The following FARP1 variants were observed in gnomAD, a reference collection of about 807,000 sequenced individuals.
FARP1 encodes FERM, ARHGEF and pleckstrin domain-containing protein 1.
A neutral mutation model predicts 128.8 loss-of-function variants in FARP1; 52 were observed. The observed-to-expected ratio is 0.40, with a 90% CI of 0.32 to 0.51. The LOEUF is 0.51. Among genes scored for constraint, FARP1 ranks in the 20% least tolerant of loss-of-function variants. FARP1 has a pLI of 0.45. For synonymous variants in FARP1, 580 were observed against 551.8 expected (o/e 1.05, Z -0.72); for missense variants, 1,333 against 1,367.9 (o/e 0.97, Z 0.40).
chr13:98,342,592 C>T (rs1254622693), intron 2 of FARP1, among the ~76,000 whole-genome samples: 6 of 151,736 alleles, frequency 4.0e-5, no homozygotes, highest in Admixed American at 6.6e-5. Flanking sequence ...CCCAGCTACT[C>T]GGGAGGCCGA....
At chr13:98,231,045 AG>A (rs894533157) in intron 2 of FARP1, among the ~76,000 whole-genome samples, 1 of 152,098 alleles carries the variant, frequency 6.6e-6, no homozygotes, top group African/African-American at 2.4e-5. Context: ...GAGAACAGTA[AG>A]GGGGGAACTG....
At chr13:98,227,975 T>C (rs999816875) in intron 2 of FARP1, among the ~76,000 whole-genome samples, 4 of 152,222 alleles carry the variant, frequency 2.6e-5, no homozygotes, top group Admixed American at 1.3e-4. Context: ...GTCTAATGGG[T>C]ACAGAGTTTG....
At chr13:98,404,026 C>T (rs372581811) in intron 13 of FARP1, 54 of 154,958 alleles carry the variant, frequency 3.5e-4, no homozygotes, top group South Asian at 8.8e-4. Flanking sequence ...CCATCACCAC[C>T]ACCACTGCTA....
intron 17 of FARP1, among the ~76,000 whole-genome samples, chr13:98,428,239 C>G (rs1891861197): frequency 6.6e-6 from 1 of 152,232 alleles, no homozygotes; most frequent in African/African-American, 2.4e-5. Context: ...TGAATGTCCA[C>G]TTGCACACAT....
At chr13:98,209,084 C>T (rs1324881431) in intron 1 of FARP1, among the ~76,000 whole-genome samples, 2 of 152,188 alleles carry the variant, frequency 1.3e-5, no homozygotes, top group Admixed American at 1.3e-4. Context: ...TCTCGGCTCA[C>T]TGTAAGCTCC....
intron 2 of FARP1, among the ~76,000 whole-genome samples, chr13:98,227,249 T>TG (rs1881849679): frequency 6.6e-6 from 1 of 152,088 alleles, no homozygotes; most frequent in South Asian, 2.1e-4. Flanking sequence ...GGCCTCCTGT[T>TG]GCATTTCTAA....
chr13:98,441,620 C>T (rs1352339269), intron 24 of FARP1, among the ~76,000 whole-genome samples: 1 of 152,170 alleles, frequency 6.6e-6, no homozygotes, highest in Non-Finnish European at 1.5e-5. Context: ...TCTTCTCACA[C>T]CAGGTGGGCC....
chr13:98,221,972 T>C (rs564156565), intron 2 of FARP1, among the ~76,000 whole-genome samples: 1 of 152,388 alleles, frequency 6.6e-6, no homozygotes, highest in Admixed American at 6.5e-5. Context: ...TTATTTGCTG[T>C]CTTCTATCAC....
intron 2 of FARP1, among the ~76,000 whole-genome samples, chr13:98,314,203 C>A (rs1290583095): frequency 6.6e-6 from 1 of 151,218 alleles, no homozygotes; most frequent in Non-Finnish European, 1.5e-5. Flanking sequence ...GTGAAAGTAG[C>A]AAACATTTTC....
chr13:98,322,140 A>G (rs1887021893), intron 2 of FARP1, among the ~76,000 whole-genome samples: 1 of 152,210 alleles, frequency 6.6e-6, no homozygotes, highest in Non-Finnish European at 1.5e-5. Flanking sequence ...TCTACTAAAA[A>G]TATAAAAATG....
At chr13:98,319,223 C>G (rs1348825662) in intron 2 of FARP1, among the ~76,000 whole-genome samples, 2 of 152,066 alleles carry the variant, frequency 1.3e-5, no homozygotes, top group East Asian at 3.8e-4. Context: ...CTGGGACTCT[C>G]AAAATGTTGG....
At chr13:98,290,258 G>A (rs75709210) in intron 2 of FARP1, among the ~76,000 whole-genome samples, 4,577 of 152,100 alleles carry the variant, frequency 0.03, 117 homozygotes, top group Middle Eastern at 0.11. Flanking sequence ...AACAAAGTAA[G>A]GGAGGAAGGA....
At chr13:98,211,607 G>A (rs7490064) in intron 1 of FARP1, among the ~76,000 whole-genome samples, 82,397 of 152,038 alleles carry the variant, frequency 0.54, 25,045 homozygotes, top group Non-Finnish European at 0.67. Flanking sequence ...TTTCTGTCCC[G>A]TAACTCTGTG....
At chr13:98,239,227 C>T (rs1253280153) in intron 2 of FARP1, among the ~76,000 whole-genome samples, 3 of 152,154 alleles carry the variant, frequency 2.0e-5, no homozygotes, top group African/African-American at 7.2e-5. Context: ...TGCCGGTTTA[C>T]GCAGCTGTCT....
chr13:98,241,032 G>A (rs776865938), intron 2 of FARP1, among the ~76,000 whole-genome samples: 18 of 152,238 alleles, frequency 1.2e-4, no homozygotes, highest in Non-Finnish European at 2.5e-4. Context: ...GCGAAGATTC[G>A]AATCCAGCAC....
chr13:98,268,625 G>A (rs1213697530), intron 2 of FARP1, among the ~76,000 whole-genome samples: 2 of 151,928 alleles, frequency 1.3e-5, no homozygotes, highest in Non-Finnish European at 2.9e-5. Context: ...CCACCAACAC[G>A]CCCGGCTAAT....
intron 2 of FARP1, chr13:98,328,329 C>T (rs888262979): frequency 3.3e-5 from 5 of 152,194 alleles, no homozygotes; most frequent in African/African-American, 9.7e-5. Context: ...TTTAAGGTTA[C>T]TCTGGGGTCC....
rs5806061 is a variant in FARP1 at position 98,409,302 on chromosome 13, C to CTT, written c.1415-28_1415-27dup. On this transcript the variant is annotated intron_variant, in intron 13 of 26. Coordinates refer to ENST00000319562, the MANE Select transcript of FARP1 (RefSeq NM_005766.4). ...GAAATCAGGTCCCAGAAAAAAATTACTTTTTTTTTCTTTAAAACTTCTCAT... is the reference window on the plus strand; with the variant it reads ...GAAATCAGGTCCCAGAAAAAAATTACTTTTTTTTTTTCTTTAAAACTTCTCAT... The CTT allele has an allele frequency of 7.1e-3, 8,918 of 1,251,876 alleles. 1 individual carries two copies. The highest frequency in any genetic ancestry group is 0.012 in the South Asian group (723 of 59,324). 77.5% of individuals were successfully genotyped at this position (1,251,876 alleles called of 1,614,324 possible). A position where few individuals can be genotyped will look rare whatever the true frequency, so the allele number is the denominator to read the frequency against.
chr13:98,233,258 A>G (rs1239963315), intron 2 of FARP1, among the ~76,000 whole-genome samples: 3 of 152,252 alleles, frequency 2.0e-5, no homozygotes, highest in African/African-American at 4.8e-5. Flanking sequence ...CATGATATCC[A>G]TGGCTAGTCA....
Sources: gnomAD v4.1 joint callset for allele counts (sites outside exome capture counted in the v4.1 genomes callset) on GRCh38, gnomAD v4.1.1 for gene constraint, MANE v1.5 for transcripts, NCBI Gene and HGNC (gene_info 2026-07-23, HGNC 2026-07-21) for gene names.